ANTXR1: variants seen among roughly 807,000 people sequenced by gnomAD.
ANTXR1 encodes the protein ANTXR cell adhesion molecule 1.
ANTXR1 carries 19 observed loss-of-function variants against 78.1 expected under a neutral mutation model. That is an observed-to-expected ratio of 0.24 (90% CI 0.17 to 0.36). The LOEUF (loss-of-function observed/expected upper bound fraction) is 0.36, where lower values mean the gene tolerates loss of function less well. Among genes scored for constraint, ANTXR1 ranks in the 10% least tolerant of loss-of-function variants. The pLI is 1.00. For missense variants in ANTXR1, 518 were observed against 718.6 expected, an observed-to-expected ratio of 0.72 and a Z score of 3.19; for synonymous variants, 273 against 260.5, an observed-to-expected ratio of 1.05 and a Z score of -0.46.
At chr2:69,213,881 C>T (rs1481843902) in intron 17 of ANTXR1, among the ~76,000 whole-genome samples, 1 of 152,254 alleles carries the variant, frequency 6.6e-6, no homozygotes, top group Non-Finnish European at 1.5e-5. Flanking sequence ...AAGTGGATGA[C>T]CATGCCCCCA....
At chr2:69,144,849 C>T (rs1673176963) in intron 12 of ANTXR1, among the ~76,000 whole-genome samples, 1 of 152,186 alleles carries the variant, frequency 6.6e-6, no homozygotes, top group African/African-American at 2.4e-5. Context: ...ACCAGAGAGG[C>T]TTCTGATAAC....
At chr2:69,193,956 G>T (rs1438719463) in intron 17 of ANTXR1, among the ~76,000 whole-genome samples, 2 of 152,240 alleles carry the variant, frequency 1.3e-5, no homozygotes, top group Non-Finnish European at 2.9e-5. Flanking sequence ...GTGAGGATTT[G>T]TCTTGGCATT....
intron 16 of ANTXR1, among the ~76,000 whole-genome samples, chr2:69,188,900 A>G (rs1309428949): frequency 3.9e-5 from 6 of 152,226 alleles, no homozygotes; most frequent in Admixed American, 3.9e-4. Flanking sequence ...CGAGCCCACT[A>G]CTACTGTCTT....
chr2:69,026,576 G>C (rs1284394060), intron 1 of ANTXR1, among the ~76,000 whole-genome samples: 1 of 152,208 alleles, frequency 6.6e-6, no homozygotes, highest in East Asian at 1.9e-4. Flanking sequence ...ATATCAGTTT[G>C]CTGATCAATA....
intron 13 of ANTXR1, among the ~76,000 whole-genome samples, chr2:69,160,861 C>G (rs1235326971): frequency 6.6e-6 from 1 of 152,198 alleles, no homozygotes. Context: ...TCTGGAAGGA[C>G]ACCAGTATTC....
intron 1 of ANTXR1, among the ~76,000 whole-genome samples, chr2:69,035,814 C>T (rs76310061): frequency 0.052 from 7,938 of 152,284 alleles, 285 homozygotes; most frequent in Middle Eastern, 0.11. Context: ...TCAGAAAATT[C>T]AGCTTTTGCC....
At chr2:69,174,832 G>A (rs1674077850) in intron 14 of ANTXR1, among the ~76,000 whole-genome samples, 2 of 152,098 alleles carry the variant, frequency 1.3e-5, no homozygotes. Context: ...CACTTTTTGT[G>A]GTACATTTCA....
At chr2:69,130,159 G>A (rs1050410180) in intron 12 of ANTXR1, among the ~76,000 whole-genome samples, 1 of 152,118 alleles carries the variant, frequency 6.6e-6, no homozygotes, top group Admixed American at 6.6e-5. Context: ...GTGGCAGTGC[G>A]GCCCAGTTGA....
intron 12 of ANTXR1, among the ~76,000 whole-genome samples, chr2:69,141,512 C>T (rs1406319420): frequency 6.6e-6 from 1 of 152,146 alleles, no homozygotes; most frequent in Non-Finnish European, 1.5e-5. Flanking sequence ...ACAAGCAGTA[C>T]CTGGTGTGCA....
intron 14 of ANTXR1, among the ~76,000 whole-genome samples, chr2:69,175,339 G>T (rs757935575): frequency 6.6e-6 from 1 of 152,158 alleles, no homozygotes; most frequent in Non-Finnish European, 1.5e-5. Flanking sequence ...GCTTGGTATG[G>T]TGACTCACTC....
intron 9 of ANTXR1, among the ~76,000 whole-genome samples, chr2:69,093,969 A>T (rs1671318766): frequency 6.6e-6 from 1 of 152,244 alleles, no homozygotes; most frequent in Non-Finnish European, 1.5e-5. Flanking sequence ...TAAGGGTTTA[A>T]ACATGCTGAT....
chr2:69,229,663 G>T (rs1675539101), intron 17 of ANTXR1, among the ~76,000 whole-genome samples: 1 of 151,686 alleles, frequency 6.6e-6, no homozygotes, highest in South Asian at 2.1e-4. Flanking sequence ...AGGGCAAGAA[G>T]GAAGACTCTA....
intron 12 of ANTXR1, among the ~76,000 whole-genome samples, chr2:69,133,039 C>T (rs931787552): frequency 6.6e-6 from 1 of 152,192 alleles, no homozygotes; most frequent in Non-Finnish European, 1.5e-5. Context: ...AAACATGGCA[C>T]GCTCTGAGGA....
chr2:69,178,199 C>G (rs1214402316), intron 14 of ANTXR1, among the ~76,000 whole-genome samples: 1 of 152,184 alleles, frequency 6.6e-6, no homozygotes, highest in Non-Finnish European at 1.5e-5. Context: ...CCATTTTTGG[C>G]CAAATGGAAA....
At chr2:69,213,529 G>C (rs1041335224) in intron 17 of ANTXR1, among the ~76,000 whole-genome samples, 14 of 152,214 alleles carry the variant, frequency 9.2e-5, no homozygotes, top group Non-Finnish European at 1.9e-4. Context: ...TTGTCAACAA[G>C]ATGCAACAGA....
At chr2:69,202,916 C>T (rs989644788) in intron 17 of ANTXR1, among the ~76,000 whole-genome samples, 1 of 152,216 alleles carries the variant, frequency 6.6e-6, no homozygotes, top group African/African-American at 2.4e-5. Context: ...CCTTCCTTCT[C>T]CCTGAAAACT....
At chr2:69,109,251 C>T (rs904567667) in intron 10 of ANTXR1, among the ~76,000 whole-genome samples, 4 of 152,134 alleles carry the variant, frequency 2.6e-5, no homozygotes, top group Non-Finnish European at 2.9e-5. Flanking sequence ...ACCATATCAT[C>T]GTCACTGTTA....
At chr2:69,150,512 TCTCA>T (rs1240422833) in intron 12 of ANTXR1, among the ~76,000 whole-genome samples, 1 of 152,110 alleles carries the variant, frequency 6.6e-6, no homozygotes, top group African/African-American at 2.4e-5. Flanking sequence ...TAGTTTATTT[TCTCA>T]CTATGAAAGA....
At chr2:69,043,742 C>A (rs1669675886) in intron 2 of ANTXR1, among the ~76,000 whole-genome samples, 1 of 152,042 alleles carries the variant, frequency 6.6e-6, no homozygotes, top group Non-Finnish European at 1.5e-5. Context: ...GAAAATAATT[C>A]TGGGAGCAGT....
Sources: allele counts gnomAD v4.1 joint callset (sites outside exome capture counted in the v4.1 genomes callset), GRCh38; gene constraint gnomAD v4.1.1; transcripts MANE v1.5; gene names NCBI Gene and HGNC (gene_info 2026-07-23, HGNC 2026-07-21).